Variants in GLMN observed in about 807,000 individuals in gnomAD.
GLMN encodes glomulin.
A neutral mutation model predicts 87.8 loss-of-function variants in GLMN; 75 were observed. The ratio of observed to expected loss-of-function variants is 0.85; its 90% confidence interval spans 0.71 to 1.04. The LOEUF (loss-of-function observed/expected upper bound fraction) is 1.04, where lower values mean the gene tolerates loss of function less well. GLMN is among the 50% of genes least tolerant of loss of function. The probability of loss-of-function intolerance (pLI) is 0.00; values close to 1 mark genes in which losing one functional copy is unlikely to be tolerated. For synonymous variants in GLMN, 206 were observed against 221.6 expected, an observed-to-expected ratio of 0.93 and a Z score of 0.63; for missense variants, 588 against 658.8, an observed-to-expected ratio of 0.89 and a Z score of 1.18.
the GLMN span, among the ~76,000 whole-genome samples, chr1:92,334,844 C>G: frequency 2.3e-4 from 35 of 152,100 alleles, no homozygotes; most frequent in Admixed American, 2.0e-3. Context: ...AAAAATTAGC[C>G]GGGCGTGGTG....
chr1:92,359,317 ATATTTATT>A, the GLMN span, among the ~76,000 whole-genome samples: 1 of 151,970 alleles, frequency 6.6e-6, no homozygotes, highest in South Asian at 2.1e-4. Flanking sequence ...TTTTTATTTT[ATATTTATT>A]TATTTATTTA....
chr1:92,358,976 A>G, the GLMN span, among the ~76,000 whole-genome samples: 1 of 152,290 alleles, frequency 6.6e-6, no homozygotes, highest in South Asian at 2.1e-4. Flanking sequence ...CCACTCACCT[A>G]CCAAACTTCT....
At chr1:92,250,261 A>C (rs961861948) in intron 16 of GLMN, among the ~76,000 whole-genome samples, 10 of 151,852 alleles carry the variant, frequency 6.6e-5, no homozygotes, top group Non-Finnish European at 1.2e-4. Context: ...CCATTATCTA[A>C]AACTTGAATG....
At chr1:92,351,305 C>CAAAAAAAAAAAAAA in the GLMN span, among the ~76,000 whole-genome samples, 77 of 86,830 alleles carry the variant, frequency 8.9e-4, no homozygotes, top group African/African-American at 3.1e-3. Flanking sequence ...GACTCTGTCT[C>CAAAAAAAAAAAAAA]AAAAAAAAAA....
the GLMN span, among the ~76,000 whole-genome samples, chr1:92,308,426 G>T: frequency 6.6e-6 from 1 of 152,136 alleles, no homozygotes; most frequent in Non-Finnish European, 1.5e-5. Context: ...TGTCACTAGA[G>T]CTGCCCAGTA....
chr1:92,252,573 T>A (rs557499709), intron 16 of GLMN, among the ~76,000 whole-genome samples: 62 of 152,288 alleles, frequency 4.1e-4, no homozygotes, highest in African/African-American at 1.4e-3. Flanking sequence ...TAAAGAAATT[T>A]TTTACATATT....
At chr1:92,317,168 T>C in the GLMN span, among the ~76,000 whole-genome samples, 1 of 152,144 alleles carries the variant, frequency 6.6e-6, no homozygotes, top group Non-Finnish European at 1.5e-5. Flanking sequence ...TATGTGATCT[T>C]AGGAAGTCAT....
At chr1:92,287,632 GT>G (rs1648926389) in intron 6 of GLMN, among the ~76,000 whole-genome samples, 1 of 152,052 alleles carries the variant, frequency 6.6e-6, no homozygotes, top group Non-Finnish European at 1.5e-5. Flanking sequence ...GAGCCACCAC[GT>G]CTGGCTGTAA....
chr1:92,343,647 C>T, the GLMN span, among the ~76,000 whole-genome samples: 1 of 152,108 alleles, frequency 6.6e-6, no homozygotes, highest in Non-Finnish European at 1.5e-5. Context: ...TAATTGAATG[C>T]CTACTGACGG....
chr1:92,362,118 A>T, the GLMN span, among the ~76,000 whole-genome samples: 1 of 152,230 alleles, frequency 6.6e-6, no homozygotes, highest in African/African-American at 2.4e-5. Flanking sequence ...ATAGCCTTGC[A>T]AACTTAAATG....
In GLMN at chr1:92,297,545, A is replaced by C. The variant is rs773356763; in HGVS notation, c.40-16T>G. ...CTAGGATTTGCTGGCAAAAAAAAAAAAAACCCAAAAAACAAACAAAAAAAA... is the reference window on the plus strand; with the variant it reads ...CTAGGATTTGCTGGCAAAAAAAAAACAAACCCAAAAAACAAACAAAAAAAA... On this transcript the variant is annotated splice_polypyrimidine_tract_variant and intron_variant, in intron 2 of 18. Coordinates refer to ENST00000370360, the MANE Select transcript of GLMN (RefSeq NM_053274.3). 2.3e-5 allele frequency: 36 copies of C among 1,591,882 alleles called. No homozygotes were observed. The highest frequency in any genetic ancestry group is 3.5e-4 in the Middle Eastern group (2 of 5,746).
intron 7 of GLMN, among the ~76,000 whole-genome samples, chr1:92,279,668 A>T (rs1647746004): frequency 6.6e-6 from 1 of 152,178 alleles, no homozygotes; most frequent in African/African-American, 2.4e-5. Context: ...TCACCCGGGA[A>T]GTGCGAGGGG....
chr1:92,324,047 A>G, the GLMN span: 1 of 1,613,836 alleles, frequency 6.2e-7, no homozygotes, highest in African/African-American at 1.3e-5. Context: ...ACTTTGATTG[A>G]GTGGAAGACA....
At chr1:92,267,787 C>T in intron 11 of GLMN, 126 bp downstream of exon 11, 1 of 688,026 alleles carries the variant, frequency 1.5e-6, no homozygotes, top group South Asian at 1.7e-5. Flanking sequence ...TTCTACTGGA[C>T]AGCATTACAC....
chr1:92,247,119 A>G lies in GLMN; in HGVS notation c.1611T>C (p.Cys537=). 6.4e-7 allele frequency: 1 copy of G among 1,566,356 alleles called. No individual in the cohort carries two copies. Among genetic ancestry groups the G allele is most frequent in the Non-Finnish European group, 8.8e-7 (1 of 1,137,500 alleles). ...TCTCTTCTCCACTTACAGTTATAGAACAAAGATCTTTAGATTTCTGGGCCT... is the reference window on the plus strand; with the variant it reads ...TCTCTTCTCCACTTACAGTTATAGAGCAAAGATCTTTAGATTTCTGGGCCT... The part of the protein sequence containing the change: ...SQEAQKSKDL[C]SITVSGEEIP... The change falls in exon 18 of 19, where the codon TGT becomes TGC. Residue 537 remains cysteine (C), a synonymous_variant. Coordinates refer to ENST00000370360, the MANE Select transcript of GLMN (RefSeq NM_053274.3).
the GLMN span, chr1:92,307,378 T>C: frequency 1.1e-5 from 8 of 720,360 alleles, no homozygotes; most frequent in East Asian, 2.8e-5. Context: ...CTGTAAAAAG[T>C]TACCATTTTA....
At chr1:92,314,104 C>T in the GLMN span, among the ~76,000 whole-genome samples, 3 of 152,226 alleles carry the variant, frequency 2.0e-5, no homozygotes, top group Non-Finnish European at 4.4e-5. Flanking sequence ...TTTGTGTTCA[C>T]TGGACTAGCA....
the GLMN span, among the ~76,000 whole-genome samples, chr1:92,360,043 G>A: frequency 1.3e-5 from 2 of 152,316 alleles, no homozygotes; most frequent in Admixed American, 1.3e-4. Flanking sequence ...AATAGGCTCT[G>A]TAAAAACATA....
At chr1:92,261,089 A>C (rs1654994631) in intron 16 of GLMN, among the ~76,000 whole-genome samples, 1 of 152,152 alleles carries the variant, frequency 6.6e-6, no homozygotes, top group Non-Finnish European at 1.5e-5. Context: ...ACCCTACCCT[A>C]AGGCCACCTT....
Sources: allele counts gnomAD v4.1 joint callset (sites outside exome capture counted in the v4.1 genomes callset), GRCh38; gene constraint gnomAD v4.1.1; transcripts MANE v1.5; gene names NCBI Gene and HGNC (gene_info 2026-07-23, HGNC 2026-07-21).